Variants in PPP2R3A observed in about 807,000 individuals in gnomAD.
PPP2R3A encodes serine/threonine-protein phosphatase 2A regulatory subunit B'' subunit alpha.
In PPP2R3A, 80 loss-of-function variants were observed where a neutral mutation model predicts 106.9. The ratio of observed to expected loss-of-function variants is 0.75; its 90% confidence interval spans 0.62 to 0.90. The LOEUF (loss-of-function observed/expected upper bound fraction) is 0.90, where lower values mean the gene tolerates loss of function less well. PPP2R3A is among the 40% of genes least tolerant of loss of function. The probability of loss-of-function intolerance (pLI) is 0.00; values close to 1 mark genes in which losing one functional copy is unlikely to be tolerated. For synonymous variants in PPP2R3A, 483 were observed against 468.3 expected (o/e 1.03, Z -0.41); for missense variants, 1,386 against 1,350.4 (o/e 1.03, Z -0.41).
chr3:135,977,683 G>C (rs528857929), intron 1 of PPP2R3A, among the ~76,000 whole-genome samples: 2 of 133,916 alleles, frequency 1.5e-5, no homozygotes, highest in South Asian at 4.9e-4. Flanking sequence ...CATCTGATCA[G>C]CATTCTTTTT....
chr3:136,012,407 G>T (rs1050802923), intron 2 of PPP2R3A, among the ~76,000 whole-genome samples: 2 of 152,142 alleles, frequency 1.3e-5, no homozygotes, highest in Admixed American at 1.3e-4. Flanking sequence ...ATTAGTCATA[G>T]AATGTGTTCC....
chr3:136,049,236 C>G (rs1277636405), intron 4 of PPP2R3A, 23 bp from the exon 5 acceptor site: 1 of 1,544,186 alleles, frequency 6.5e-7, no homozygotes, highest in Non-Finnish European at 8.9e-7. Flanking sequence ...ACTAATCTTC[C>G]TAAGCAGTTG....
chr3:136,133,772 ATATG>A (rs1348552796), intron 13 of PPP2R3A, among the ~76,000 whole-genome samples: 1 of 150,452 alleles, frequency 6.6e-6, no homozygotes, highest in African/African-American at 2.4e-5. Flanking sequence ...ACAAAAATAA[ATATG>A]TATATATATA....
chr3:136,143,490 CA>C (rs1187282501), intron 13 of PPP2R3A, among the ~76,000 whole-genome samples: 1 of 151,676 alleles, frequency 6.6e-6, no homozygotes, highest in African/African-American at 2.4e-5. Flanking sequence ...GACTCCATCT[CA>C]AAAACAAAAA....
intron 2 of PPP2R3A, among the ~76,000 whole-genome samples, chr3:136,017,592 T>C (rs1272746648): frequency 6.6e-6 from 1 of 152,246 alleles, no homozygotes; most frequent in Non-Finnish European, 1.5e-5. Flanking sequence ...AACAGCTGGC[T>C]GGCTTTTGTT....
chr3:136,007,026 G>A (rs1008648539), intron 2 of PPP2R3A, among the ~76,000 whole-genome samples: 12 of 152,192 alleles, frequency 7.9e-5, no homozygotes, highest in African/African-American at 2.9e-4. Flanking sequence ...GTTTTCTGGA[G>A]TTTAAAGTCA....
At chr3:136,049,656 C>T (rs920157475) in intron 5 of PPP2R3A, among the ~76,000 whole-genome samples, 1 of 152,162 alleles carries the variant, frequency 6.6e-6, no homozygotes, top group African/African-American at 2.4e-5. Context: ...CCCTTGCCCA[C>T]CCACAGCAAT....
At chr3:136,117,252 A>G (rs1937802063) in intron 13 of PPP2R3A, among the ~76,000 whole-genome samples, 1 of 152,238 alleles carries the variant, frequency 6.6e-6, no homozygotes, top group Non-Finnish European at 1.5e-5. Flanking sequence ...ATAGAGGGAA[A>G]TTCATAGCAC....
intron 3 of PPP2R3A, among the ~76,000 whole-genome samples, chr3:136,031,376 A>G (rs973174118): frequency 6.6e-6 from 1 of 151,814 alleles, no homozygotes; most frequent in Non-Finnish European, 1.5e-5. Context: ...TCTTGTTGAT[A>G]TGAGTTCATT....
intron 2 of PPP2R3A, among the ~76,000 whole-genome samples, chr3:136,019,326 C>T (rs943941363): frequency 3.9e-5 from 6 of 152,176 alleles, no homozygotes; most frequent in African/African-American, 1.2e-4. Context: ...TAATTTTCCA[C>T]GTGCTCAAAC....
At chr3:136,071,496 A>G (rs2107909570) in intron 6 of PPP2R3A, among the ~76,000 whole-genome samples, 1 of 152,304 alleles carries the variant, frequency 6.6e-6, no homozygotes, top group Non-Finnish European at 1.5e-5. Context: ...TTTTCCTGTT[A>G]ACCGTGACAC....
intron 1 of PPP2R3A, among the ~76,000 whole-genome samples, chr3:135,999,330 A>G (rs1559859515): frequency 6.6e-6 from 1 of 152,284 alleles, no homozygotes; most frequent in East Asian, 1.9e-4. Flanking sequence ...CACTGGCAGG[A>G]TTGGGCTTCA....
At chr3:135,983,215 G>A (rs1193628554) in intron 1 of PPP2R3A, among the ~76,000 whole-genome samples, 3 of 152,134 alleles carry the variant, frequency 2.0e-5, no homozygotes, top group Non-Finnish European at 4.4e-5. Flanking sequence ...CTGGGCTTTT[G>A]CCCCATTTCT....
intron 13 of PPP2R3A, among the ~76,000 whole-genome samples, chr3:136,138,546 C>A (rs1360590971): frequency 6.6e-6 from 1 of 152,062 alleles, no homozygotes; most frequent in African/African-American, 2.4e-5. Context: ...TAAGGAAATT[C>A]AGTGAACCAA....
intron 4 of PPP2R3A, among the ~76,000 whole-genome samples, chr3:136,047,455 A>C (rs1935509625): frequency 6.6e-6 from 1 of 152,252 alleles, no homozygotes; most frequent in Non-Finnish European, 1.5e-5. Flanking sequence ...TGGACTACTA[A>C]GCAGCCGTAA....
At chr3:136,068,544 G>A (rs1240100532) in intron 5 of PPP2R3A, among the ~76,000 whole-genome samples, 2 of 152,054 alleles carry the variant, frequency 1.3e-5, no homozygotes, top group Non-Finnish European at 2.9e-5. Flanking sequence ...AAATAAATAG[G>A]AGAGAAGAGA....
chr3:136,143,862 T>C (rs1259908431), intron 13 of PPP2R3A, among the ~76,000 whole-genome samples: 1 of 152,218 alleles, frequency 6.6e-6, no homozygotes, highest in Non-Finnish European at 1.5e-5. Flanking sequence ...TACCTCAGCA[T>C]ATTTTCCCTC....
intron 6 of PPP2R3A, among the ~76,000 whole-genome samples, chr3:136,076,652 T>C (rs769102882): frequency 1.3e-5 from 2 of 152,074 alleles, no homozygotes; most frequent in African/African-American, 2.4e-5. Context: ...CCACCTGATA[T>C]ATAGAAAGCA....
intron 2 of PPP2R3A, among the ~76,000 whole-genome samples, chr3:136,006,049 C>T (rs1933833076): frequency 6.6e-6 from 1 of 152,142 alleles, no homozygotes; most frequent in Non-Finnish European, 1.5e-5. Context: ...TGGCTAACAC[C>T]TCATGAGTGG....
Sources: allele counts gnomAD v4.1 joint callset (sites outside exome capture counted in the v4.1 genomes callset), GRCh38; gene constraint gnomAD v4.1.1; transcripts MANE v1.5; gene names NCBI Gene and HGNC (gene_info 2026-07-23, HGNC 2026-07-21).